Variants in ATP1B3 observed in about 807,000 individuals in gnomAD.
ATP1B3 encodes the protein ATPase Na+/K+ transporting subunit beta 3, also known as sodium/potassium-transporting ATPase subunit beta-3.
ATP1B3 carries 10 observed loss-of-function variants against 30.2 expected under a neutral mutation model. That is an observed-to-expected ratio of 0.33 (90% confidence interval 0.20 to 0.56). ATP1B3 has a LOEUF of 0.56. Ranked by LOEUF, ATP1B3 falls within the 20% of genes least tolerant of loss-of-function variation. The pLI is 0.90. For synonymous variants in ATP1B3, 113 were observed against 117.0 expected, an observed-to-expected ratio of 0.97 and a Z score of 0.22; for missense variants, 238 against 336.7, an observed-to-expected ratio of 0.71 and a Z score of 2.29.
intron 1 of ATP1B3, among the ~76,000 whole-genome samples, chr3:141,877,144 C>T (rs1933616382): frequency 6.6e-6 from 1 of 150,950 alleles, no homozygotes; most frequent in Non-Finnish European, 1.5e-5. Context: ...CCGGCCGGGC[C>T]GCGCTGGTTC....
intron 3 of ATP1B3, among the ~76,000 whole-genome samples, chr3:141,908,069 T>TA (rs1491313975): frequency 3.6e-5 from 1 of 27,750 alleles, no homozygotes; most frequent in African/African-American, 5.0e-4. Context: ...CCAGGCATTC[T>TA]TTTTTTTTTT....
At chr3:141,907,302 A>T (rs1934280632) in intron 3 of ATP1B3, 28 bp downstream of exon 3, 1 of 1,567,114 alleles carries the variant, frequency 6.4e-7, no homozygotes, top group African/African-American at 1.4e-5. Flanking sequence ...GAGTAAGGTC[A>T]GAGATTTTAG....
chr3:141,900,192 A>G (rs912485990), intron 1 of ATP1B3, among the ~76,000 whole-genome samples: 3 of 152,106 alleles, frequency 2.0e-5, no homozygotes, highest in African/African-American at 7.2e-5. Flanking sequence ...TCCCCCAGAA[A>G]GACCAAACCA....
intron 6 of ATP1B3, 63 bp from the exon 7 acceptor site, chr3:141,925,468 T>C (rs1480440862): frequency 6.6e-7 from 1 of 1,514,582 alleles, no homozygotes; most frequent in African/African-American, 1.4e-5. Context: ...AGCCAATTCC[T>C]GGTAGAGAGA....
At chr3:141,904,046 A>C (rs769787944) in intron 2 of ATP1B3, among the ~76,000 whole-genome samples, 11 of 152,186 alleles carry the variant, frequency 7.2e-5, no homozygotes, top group Admixed American at 5.9e-4. Context: ...TGGCCTCCCA[A>C]AGTGCTGGGA....
chr3:141,886,223 C>T (rs1411826353), intron 1 of ATP1B3, among the ~76,000 whole-genome samples: 3 of 152,118 alleles, frequency 2.0e-5, no homozygotes, highest in Non-Finnish European at 2.9e-5. Flanking sequence ...ACCTTGCCCA[C>T]ACCCCATTAT....
intron 6 of ATP1B3, 119 bp downstream of exon 6, chr3:141,922,182 T>TA: frequency 1.7e-6 from 1 of 601,292 alleles, no homozygotes; most frequent in Non-Finnish European, 2.9e-6. Flanking sequence ...GCGTCATCTA[T>TA]TCAGGTTTTG....
intron 1 of ATP1B3, among the ~76,000 whole-genome samples, chr3:141,897,117 G>A (rs1462927158): frequency 6.6e-6 from 1 of 152,066 alleles, no homozygotes; most frequent in Non-Finnish European, 1.5e-5. Flanking sequence ...TTGGCACCAG[G>A]GGCTCATGCA....
intron 1 of ATP1B3, among the ~76,000 whole-genome samples, chr3:141,895,712 T>C (rs1576392687): frequency 1.3e-5 from 2 of 152,318 alleles, no homozygotes; most frequent in African/African-American, 4.8e-5. Context: ...TTTTCTTGGG[T>C]AAATATCTAG....
At chr3:141,886,645 C>A (rs917014615) in intron 1 of ATP1B3, among the ~76,000 whole-genome samples, 1 of 152,112 alleles carries the variant, frequency 6.6e-6, no homozygotes, top group Non-Finnish European at 1.5e-5. Flanking sequence ...AATTCTAGTT[C>A]CACATCTCTG....
intron 1 of ATP1B3, among the ~76,000 whole-genome samples, chr3:141,892,630 TG>T (rs1933976188): frequency 8.5e-6 from 1 of 117,962 alleles, no homozygotes; most frequent in African/African-American, 3.4e-5. Context: ...GCATGCAGCC[TG>T]GGTGACAGTG....
At chr3:141,893,290 T>A (rs1302953950) in intron 1 of ATP1B3, among the ~76,000 whole-genome samples, 1 of 152,194 alleles carries the variant, frequency 6.6e-6, no homozygotes, top group African/African-American at 2.4e-5. Context: ...ATTACAGACG[T>A]GAGCCACCAC....
intron 1 of ATP1B3, among the ~76,000 whole-genome samples, chr3:141,901,899 G>T (rs547984489): frequency 3.0e-4 from 45 of 152,166 alleles, no homozygotes; most frequent in African/African-American, 1.1e-3. Context: ...TGTGGCCCCA[G>T]TCTGCCTATT....
chr3:141,896,360 A>G (rs113921249), intron 1 of ATP1B3, among the ~76,000 whole-genome samples: 2 of 152,120 alleles, frequency 1.3e-5, no homozygotes, highest in African/African-American at 2.4e-5. Context: ...GTACAAAAAA[A>G]ATTTTTTTTA....
intron 4 of ATP1B3, among the ~76,000 whole-genome samples, chr3:141,915,458 C>T (rs757585658): frequency 3.3e-5 from 5 of 152,144 alleles, no homozygotes; most frequent in African/African-American, 9.7e-5. Flanking sequence ...GCTACATACA[C>T]GAAAGGAGTC....
chr3:141,920,595 C>A (rs998081680), intron 5 of ATP1B3, among the ~76,000 whole-genome samples: 3 of 152,070 alleles, frequency 2.0e-5, no homozygotes, highest in Middle Eastern at 3.4e-3. Flanking sequence ...AAAAAAAATC[C>A]TTTTTTTCAT....
At chr3:141,888,405 T>G (rs867364815) in intron 1 of ATP1B3, among the ~76,000 whole-genome samples, 1 of 152,220 alleles carries the variant, frequency 6.6e-6, no homozygotes, top group Non-Finnish European at 1.5e-5. Flanking sequence ...TAGAAATAAG[T>G]AGGTTCTTGT....
chr3:141,903,904 C>T (rs1475040512), intron 2 of ATP1B3, among the ~76,000 whole-genome samples, 156 bp downstream of exon 2: 2 of 152,180 alleles, frequency 1.3e-5, no homozygotes, highest in Non-Finnish European at 2.9e-5. Flanking sequence ...GCCTCCTCAG[C>T]CTGCTAAGTA....
intron 3 of ATP1B3, among the ~76,000 whole-genome samples, chr3:141,911,158 T>C (rs934956055): frequency 6.6e-6 from 1 of 152,260 alleles, no homozygotes; most frequent in Admixed American, 6.5e-5. Context: ...ACTTTGATAA[T>C]TTCCTCAACT....
Sources: allele counts gnomAD v4.1 joint callset (sites outside exome capture counted in the v4.1 genomes callset), GRCh38; gene constraint gnomAD v4.1.1; transcripts MANE v1.5; gene names NCBI Gene and HGNC (gene_info 2026-07-23, HGNC 2026-07-21).